Variants in UCHL3 observed in about 807,000 individuals in gnomAD.
UCHL3 encodes ubiquitin C-terminal hydrolase L3.
A neutral mutation model predicts 35.8 loss-of-function variants in UCHL3; 22 were observed. The ratio of observed to expected loss-of-function variants is 0.61; its 90% CI spans 0.44 to 0.88. The LOEUF is 0.88. Ranked by LOEUF, UCHL3 falls within the 40% of genes least tolerant of loss-of-function variation. The probability of loss-of-function intolerance (pLI) is 0.00; values close to 1 mark genes in which losing one functional copy is unlikely to be tolerated. For missense variants in UCHL3, 229 were observed against 276.9 expected (o/e 0.83, Z 1.23); for synonymous variants, 90 against 92.8 (o/e 0.97, Z 0.17).
At chr13:75,594,843 G>A in intron 6 of UCHL3, 72 bp from the exon 7 acceptor site, 1 of 1,032,864 alleles carries the variant, frequency 9.7e-7, no homozygotes, top group Non-Finnish European at 1.4e-6. Flanking sequence ...TTATTTGTAT[G>A]TGTTTATGTA....
At chr13:75,592,216 A>G (rs972770270) in intron 6 of UCHL3, among the ~76,000 whole-genome samples, 9 of 150,790 alleles carry the variant, frequency 6.0e-5, no homozygotes, top group Admixed American at 4.6e-4. Flanking sequence ...GAAGTGTTGC[A>G]TTCTAAATTA....
intron 7 of UCHL3, among the ~76,000 whole-genome samples, chr13:75,601,379 A>G (rs1046189520): frequency 3.3e-5 from 5 of 152,212 alleles, no homozygotes; most frequent in Admixed American, 1.3e-4. Context: ...GAAAGAGTCA[A>G]ATGTGGCAAA....
intron 7 of UCHL3, chr13:75,604,479 A>T (rs1311828812): frequency 1.1e-5 from 3 of 268,904 alleles, no homozygotes; most frequent in Non-Finnish European, 2.1e-5. Flanking sequence ...ATAATTTTTA[A>T]AAAACTGACA....
intron 6 of UCHL3, among the ~76,000 whole-genome samples, chr13:75,575,200 C>T (rs2031981927): frequency 6.6e-6 from 1 of 152,180 alleles, no homozygotes; most frequent in Non-Finnish European, 1.5e-5. Context: ...TTGGCCATAG[C>T]ATACTGCTCT....
At chr13:75,560,976 G>A (rs1593977576) in intron 3 of UCHL3, 95 bp downstream of exon 3, 1 of 1,191,386 alleles carries the variant, frequency 8.4e-7, no homozygotes, top group Non-Finnish European at 1.1e-6. Flanking sequence ...TGTTGCCTAG[G>A]CTGGAGTGCA....
At chr13:75,599,611 G>A (rs4885324) in intron 7 of UCHL3, among the ~76,000 whole-genome samples, 121,781 of 152,110 alleles carry the variant, frequency 0.8, 49,492 homozygotes, top group Middle Eastern at 0.91. Context: ...TATTACTACC[G>A]TAATTGTTTT....
At chr13:75,582,795 A>T (rs1271617176) in intron 6 of UCHL3, among the ~76,000 whole-genome samples, 1 of 152,224 alleles carries the variant, frequency 6.6e-6, no homozygotes, top group Non-Finnish European at 1.5e-5. Flanking sequence ...TATTATAAGG[A>T]TTTAAAAGTT....
intron 7 of UCHL3, 50 bp from the exon 8 acceptor site, chr13:75,604,719 T>C (rs1246890776): frequency 1.5e-5 from 23 of 1,514,520 alleles, no homozygotes; most frequent in Admixed American, 4.0e-5. Flanking sequence ...TGAAAGCACA[T>C]TATCCTGTAA....
At chr13:75,605,277 G>A (rs937996259) in intron 8 of UCHL3, among the ~76,000 whole-genome samples, 2 of 152,174 alleles carry the variant, frequency 1.3e-5, no homozygotes, top group South Asian at 4.1e-4. Context: ...GGAGGCCGAG[G>A]CGGGTGGATC....
At chr13:75,602,345 A>G (rs932890530) in intron 7 of UCHL3, among the ~76,000 whole-genome samples, 1 of 152,138 alleles carries the variant, frequency 6.6e-6, no homozygotes, top group African/African-American at 2.4e-5. Flanking sequence ...CACACTATGC[A>G]AAAAACAAGT....
At chr13:75,602,980 TTTA>T (rs1239899580) in intron 7 of UCHL3, among the ~76,000 whole-genome samples, 17 of 152,106 alleles carry the variant, frequency 1.1e-4, no homozygotes, top group Admixed American at 4.6e-4. Context: ...TTGTTTTTAT[TTTA>T]TTATGTTATT....
At chr13:75,552,504 A>C (rs969812591) in intron 2 of UCHL3, among the ~76,000 whole-genome samples, 16 of 152,214 alleles carry the variant, frequency 1.1e-4, no homozygotes, top group Non-Finnish European at 1.9e-4. Context: ...CATGTCTACT[A>C]TATGCAGATG....
At chr13:75,587,000 T>A (rs116859074) in intron 6 of UCHL3, among the ~76,000 whole-genome samples, 3,237 of 144,424 alleles carry the variant, frequency 0.022, 50 homozygotes, top group Non-Finnish European at 0.034. Context: ...GAGATCTAAG[T>A]TTTTACCTTA....
chr13:75,589,789 A>G, intron 6 of UCHL3: 3 of 582,486 alleles, frequency 5.2e-6, no homozygotes, highest in Non-Finnish European at 7.5e-6. Context: ...TTTAACCAAT[A>G]TTCATACATG....
chr13:75,575,238 A>G (rs1446071580), intron 6 of UCHL3, among the ~76,000 whole-genome samples: 1 of 152,214 alleles, frequency 6.6e-6, no homozygotes, highest in African/African-American at 2.4e-5. Flanking sequence ...ACTTTTCTCC[A>G]TCCCACCGTG....
intron 6 of UCHL3, among the ~76,000 whole-genome samples, chr13:75,586,704 A>G (rs1183624216): frequency 6.6e-6 from 1 of 152,022 alleles, no homozygotes; most frequent in East Asian, 1.9e-4. Context: ...TTAAACTACA[A>G]ATCAACAATA....
intron 6 of UCHL3, among the ~76,000 whole-genome samples, chr13:75,586,182 A>G (rs922554781): frequency 1.3e-5 from 2 of 152,104 alleles, no homozygotes; most frequent in Non-Finnish European, 2.9e-5. Flanking sequence ...GATGAACTAT[A>G]CAAACACTAA....
At chr13:75,578,485 G>A (rs1344037630) in intron 6 of UCHL3, among the ~76,000 whole-genome samples, 1 of 152,068 alleles carries the variant, frequency 6.6e-6, no homozygotes, top group Non-Finnish European at 1.5e-5. Context: ...TAGGCACTGT[G>A]CTTATAATTG....
intron 2 of UCHL3, among the ~76,000 whole-genome samples, chr13:75,552,861 G>C (rs1566206705): frequency 6.6e-6 from 1 of 152,074 alleles, no homozygotes; most frequent in Non-Finnish European, 1.5e-5. Context: ...TGTGATTTGA[G>C]TACAGTACAA....
Sources: allele counts gnomAD v4.1 joint callset (sites outside exome capture counted in the v4.1 genomes callset), GRCh38; gene constraint gnomAD v4.1.1; transcripts MANE v1.5; gene names NCBI Gene and HGNC (gene_info 2026-07-23, HGNC 2026-07-21).